The following CLPTM1 variants were observed in gnomAD, a reference collection of about 807,000 sequenced individuals.
CLPTM1 encodes CLPTM1 regulator of GABA type A receptor forward trafficking, also known as putative lipid scramblase CLPTM1.
CLPTM1 carries 21 observed loss-of-function variants against 77.3 expected under a neutral mutation model. The observed-to-expected ratio is 0.27, with a 90% CI of 0.19 to 0.39. The LOEUF is 0.39. Among genes scored for constraint, CLPTM1 ranks in the 10% least tolerant of loss-of-function variants. CLPTM1 has a pLI of 1.00. For missense variants in CLPTM1, 642 were observed against 921.2 expected, an observed-to-expected ratio of 0.70 and a Z score of 3.92; for synonymous variants, 373 against 381.0, an observed-to-expected ratio of 0.98 and a Z score of 0.24.
At position 44,992,192 on chromosome 19, in the gene CLPTM1, G is replaced by A. The variant is rs1412806130; in HGVS notation, c.1556-41G>A. On this transcript the variant is annotated intron_variant, in intron 12 of 13. Transcript: ENST00000337392. The surrounding 1 kb of genome is among the most constrained non-coding windows in gnomAD (Gnocchi z 7.7). ...AGTGCAGAGTGCACAGGGGAGAGGT[G>A]GGAGAGGCCATCCCTCTGCTCATGG... is the stretch of plus-strand genomic sequence containing the variant. 1 of 1,608,040 alleles carries A rather than the reference G, an allele frequency of 6.2e-7. No homozygotes were observed. Among genetic ancestry groups the A allele is most frequent in the Non-Finnish European group, 8.5e-7 (1 of 1,175,670 alleles).
chr19:44,985,705 A>G (rs183009286), intron 6 of CLPTM1, among the ~76,000 whole-genome samples: 45 of 152,308 alleles, frequency 3.0e-4, no homozygotes, highest in African/African-American at 1.0e-3. Context: ...GAACTGCAGG[A>G]TTCATAGTTG....
upstream of CLPTM1, chr19:44,954,615 G>A (rs1970427979): frequency 3.8e-6 from 4 of 1,044,914 alleles, no homozygotes; most frequent in African/African-American, 3.3e-5. Context: ...TCAGCAGATG[G>A]CCGGGTTTAG....
intron 2 of CLPTM1, among the ~76,000 whole-genome samples, chr19:44,962,814 C>G (rs545562209): frequency 3.2e-4 from 48 of 151,788 alleles, no homozygotes; most frequent in African/African-American, 1.1e-3. Flanking sequence ...ACCTACAATC[C>G]CAGCACTTTG....
rs758672678 is a variant in CLPTM1, at chr19:44,992,986, C to T, written c.*89C>T. ...GCCTCCCCTCCCTGTCGCCCTTTCC[C>T]TGGACAGATCAGGCCGGGGCGGTGG... On this transcript the variant is annotated 3_prime_UTR_variant, in exon 14 of 14. Coordinates refer to ENST00000337392, the MANE Select transcript of CLPTM1 (RefSeq NM_001294.4). The surrounding 1 kb of genome is among the most constrained non-coding windows in gnomAD (Gnocchi z 7.7). 1 of 1,477,388 alleles carries T rather than the reference C, an allele frequency of 6.8e-7. No individual in the cohort carries two copies. The highest frequency in any genetic ancestry group is 1.4e-5 in the African/African-American group (1 of 72,062). 91.5% of individuals were successfully genotyped at this position (1,477,388 alleles called of 1,614,324 possible).
upstream of CLPTM1, chr19:44,954,763 G>C: frequency 7.5e-7 from 1 of 1,337,570 alleles, no homozygotes; most frequent in Non-Finnish European, 9.7e-7. Context: ...GCTTGGGGGT[G>C]TATCATAGGG....
At chr19:44,975,280 G>T (rs1187649388) in intron 4 of CLPTM1, among the ~76,000 whole-genome samples, 2 of 152,224 alleles carry the variant, frequency 1.3e-5, no homozygotes, top group Non-Finnish European at 2.9e-5. Flanking sequence ...TGGGACTCCT[G>T]TATGGGACTG....
intron 2 of CLPTM1, among the ~76,000 whole-genome samples, chr19:44,972,254 CTT>C (rs538662344): frequency 7.1e-6 from 1 of 140,506 alleles, no homozygotes. Context: ...CTCATTCATT[CTT>C]TTTTTTTTTG....
rs199925354 is a variant in CLPTM1, at chr19:44,987,271, G to A, written c.886G>A (p.Glu296Lys). Residue 296 changes from glutamate (E) to lysine (K), a missense_variant, in exon 8 of 14, where the codon GAG (glutamate) becomes AAG (lysine). Transcript: ENST00000337392. The part of the protein sequence containing the change: ...NLQKDYYPIN[E>K]SLASLPLRVS... ...GCAGAAGGACTACTACCCCATCAAC[G>A]AGAGCCTGGCCAGCCTGCCGCTCCG... is the stretch of plus-strand genomic sequence containing the variant. 376 of 1,614,136 alleles carry A rather than the reference G, an allele frequency of 2.3e-4. No individual in the cohort carries two copies. Among genetic ancestry groups the A allele is most frequent in the Non-Finnish European group, 3.0e-4 (357 of 1,180,058 alleles).
At chr19:44,973,610 C>T (rs1410459802) in intron 3 of CLPTM1, among the ~76,000 whole-genome samples, 1 of 152,058 alleles carries the variant, frequency 6.6e-6, no homozygotes, top group Non-Finnish European at 1.5e-5. Flanking sequence ...GAGAGGAGAC[C>T]TGCACTTCCA....
chr19:44,964,590 C>T (rs765184498), intron 2 of CLPTM1, among the ~76,000 whole-genome samples: 9 of 152,236 alleles, frequency 5.9e-5, no homozygotes, highest in South Asian at 4.1e-4. Context: ...GGATTATAGG[C>T]GTGAGCCACC....
At chr19:44,988,230 G>GT in intron 9 of CLPTM1, 57 bp downstream of exon 9, 1 of 1,259,832 alleles carries the variant, frequency 7.9e-7, no homozygotes, top group Non-Finnish European at 1.2e-6. Flanking sequence ...GACAGGACCT[G>GT]CCCCCTTCCT....
intron 1 of CLPTM1, 46 bp from the exon 2 acceptor site, chr19:44,961,917 C>T: frequency 3.0e-6 from 4 of 1,320,546 alleles, no homozygotes; most frequent in East Asian, 2.5e-5. Context: ...CTAAGACAGC[C>T]CCCGTGTCCA....
intron 5 of CLPTM1, chr19:44,984,602 G>A (rs979432735): frequency 3.9e-5 from 6 of 152,648 alleles, no homozygotes; most frequent in African/African-American, 1.4e-4. Flanking sequence ...GGGTTGAGAG[G>A]TCACCGGGGC....
rs1377457423 is a variant in CLPTM1, at chr19:44,992,096, G to T, written c.1556-137G>T. 5 of 817,432 alleles carry T rather than the reference G, an allele frequency of 6.1e-6. No homozygotes were observed. The Admixed American group carries it at 1.2e-4, about 20-fold the overall frequency. The allele number at this position is 817,432 out of a possible 1,614,324, so 50.6% of individuals were successfully genotyped here. Reference sequence around the variant, plus strand: ...CCCACCAGTGCAGAGGCCGCTGGTAGAGTGTGCCCAGGTATAGGAAGTGGT... The same window carrying T: ...CCCACCAGTGCAGAGGCCGCTGGTATAGTGTGCCCAGGTATAGGAAGTGGT... On this transcript the variant is annotated intron_variant, in intron 12 of 13. Transcript: ENST00000337392. The surrounding 1 kb of genome is among the most constrained non-coding windows in gnomAD (Gnocchi z 7.7).
chr19:44,967,794 C>T (rs1217861367), intron 2 of CLPTM1, among the ~76,000 whole-genome samples: 1 of 152,176 alleles, frequency 6.6e-6, no homozygotes, highest in Non-Finnish European at 1.5e-5. Context: ...AACCTCCCCA[C>T]TCTGTTAAGT....
At chr19:44,984,015 G>A (rs1356634571) in intron 5 of CLPTM1, among the ~76,000 whole-genome samples, 1 of 152,256 alleles carries the variant, frequency 6.6e-6, no homozygotes, top group Non-Finnish European at 1.5e-5. Context: ...GAGATGGAGC[G>A]TGGGCACGCA....
Position 44,993,071 on chromosome 19 carries a change from T to G in CLPTM1, c.*174T>G, listed in dbSNP as rs750868993. 5.2e-5 allele frequency: 43 copies of G among 831,090 alleles called. No homozygotes were observed. The highest frequency in any genetic ancestry group is 3.2e-4 in the Admixed American group (17 of 52,706). 51.5% of individuals were successfully genotyped at this position (831,090 alleles called of 1,614,324 possible). A position where few individuals can be genotyped will look rare whatever the true frequency, so the allele number is the denominator to read the frequency against. On this transcript the variant is annotated 3_prime_UTR_variant, in exon 14 of 14. Coordinates refer to ENST00000337392, the MANE Select transcript of CLPTM1 (RefSeq NM_001294.4). ...GTAGGGGCCGGGGCAGGCCAGGGTT[T>G]GTTTGTGGAGGCGCTGTCTGTCCCT...
At chr19:44,973,265 A>G in intron 3 of CLPTM1, 55 bp downstream of exon 3, 2 of 1,611,072 alleles carry the variant, frequency 1.2e-6, no homozygotes, top group Non-Finnish European at 1.7e-6. Flanking sequence ...GGAGGGGTGG[A>G]ATGTGGAGGA....
At chr19:44,986,694 C>G (rs1970983582) in intron 7 of CLPTM1, 119 bp downstream of exon 7, 15 of 1,313,590 alleles carry the variant, frequency 1.1e-5, no homozygotes, top group Non-Finnish European at 1.4e-5. Flanking sequence ...TCCACCCTCC[C>G]AAGCTCCCAC....
Sources: allele counts gnomAD v4.1 joint callset (sites outside exome capture counted in the v4.1 genomes callset), GRCh38; gene constraint gnomAD v4.1.1; non-coding constraint Gnocchi (gnomAD v3.1); transcripts MANE v1.5; gene names NCBI Gene and HGNC (gene_info 2026-07-23, HGNC 2026-07-21).